NXPH1: variants seen among roughly 807,000 people sequenced by gnomAD.
NXPH1 encodes the protein neurexophilin 1.
NXPH1 carries 5 observed loss-of-function variants against 23.7 expected under a neutral mutation model. The ratio of observed to expected loss-of-function variants is 0.21; its 90% CI spans 0.11 to 0.44. The LOEUF (loss-of-function observed/expected upper bound fraction) is 0.44, where lower values mean the gene tolerates loss of function less well. Ranked by LOEUF, NXPH1 falls within the 20% of genes least tolerant of loss-of-function variation. The pLI is 0.99. For synonymous variants in NXPH1, 144 were observed against 122.2 expected, an observed-to-expected ratio of 1.18 and a Z score of -1.18; for missense variants, 324 against 321.6, an observed-to-expected ratio of 1.01 and a Z score of -0.06.
intron 2 of NXPH1, among the ~76,000 whole-genome samples, chr7:8,689,154 T>C (rs1203428619): frequency 6.6e-6 from 1 of 152,182 alleles, no homozygotes; most frequent in Non-Finnish European, 1.5e-5. Context: ...TAACTTCATA[T>C]AGGAGGATAA....
At chr7:8,704,347 T>G (rs1174814981) in intron 2 of NXPH1, among the ~76,000 whole-genome samples, 1 of 152,102 alleles carries the variant, frequency 6.6e-6, no homozygotes, top group Non-Finnish European at 1.5e-5. Flanking sequence ...ATTCCATGTG[T>G]CTTGCACAAT....
intron 2 of NXPH1, among the ~76,000 whole-genome samples, chr7:8,736,553 G>A (rs1265155821): frequency 1.3e-5 from 2 of 152,172 alleles, no homozygotes; most frequent in African/African-American, 4.8e-5. Flanking sequence ...TTTCAATTAT[G>A]TAGTCAATTT....
At chr7:8,583,561 G>C (rs73235773) in intron 2 of NXPH1, among the ~76,000 whole-genome samples, 3,179 of 152,296 alleles carry the variant, frequency 0.021, 114 homozygotes, top group East Asian at 0.15. Context: ...CAGTGGGAGA[G>C]ACTGAGTTGC....
At chr7:8,521,486 C>T (rs1817770460) in intron 2 of NXPH1, among the ~76,000 whole-genome samples, 1 of 152,114 alleles carries the variant, frequency 6.6e-6, no homozygotes, top group Non-Finnish European at 1.5e-5. Context: ...AGAAAGCTAC[C>T]TCCAAGCTTG....
At chr7:8,551,931 G>A (rs564996946) in intron 2 of NXPH1, among the ~76,000 whole-genome samples, 1 of 151,412 alleles carries the variant, frequency 6.6e-6, no homozygotes, top group East Asian at 2.0e-4. Flanking sequence ...CTTTAAAGAT[G>A]TGCATATTTT....
At chr7:8,509,417 T>C (rs552126108) in intron 2 of NXPH1, among the ~76,000 whole-genome samples, 4 of 152,254 alleles carry the variant, frequency 2.6e-5, no homozygotes, top group African/African-American at 9.6e-5. Flanking sequence ...TGCCCTGTCA[T>C]AGAGAGTAAC....
intron 2 of NXPH1, among the ~76,000 whole-genome samples, chr7:8,668,633 A>T (rs1583222543): frequency 1.3e-5 from 2 of 150,062 alleles, no homozygotes; most frequent in African/African-American, 4.9e-5. Context: ...TACTGGTGGG[A>T]TAGGCTTTGA....
intron 2 of NXPH1, among the ~76,000 whole-genome samples, chr7:8,453,685 G>C (rs143849243): frequency 1.6e-4 from 25 of 152,154 alleles, no homozygotes; most frequent in African/African-American, 6.0e-4. Flanking sequence ...GTGGTTTTAA[G>C]ATATTTGTTG....
At chr7:8,450,310 G>T (rs1038712889) in intron 2 of NXPH1, among the ~76,000 whole-genome samples, 1 of 147,986 alleles carries the variant, frequency 6.8e-6, no homozygotes, top group African/African-American at 2.5e-5. Flanking sequence ...TTTAAAAGGG[G>T]ATGCAAATCT....
At chr7:8,654,218 C>T (rs1820536603) in intron 2 of NXPH1, among the ~76,000 whole-genome samples, 1 of 151,752 alleles carries the variant, frequency 6.6e-6, no homozygotes, top group Non-Finnish European at 1.5e-5. Flanking sequence ...TAAAATCAAA[C>T]TCTGTTAGAT....
chr7:8,445,609 A>T (rs10251469), intron 2 of NXPH1, among the ~76,000 whole-genome samples: 9,473 of 152,316 alleles, frequency 0.062, 603 homozygotes, highest in African/African-American at 0.15. Flanking sequence ...TTGGCACAAA[A>T]ATTACGACAA....
At chr7:8,444,182 G>A (rs1009958930) in intron 2 of NXPH1, among the ~76,000 whole-genome samples, 1 of 152,212 alleles carries the variant, frequency 6.6e-6, no homozygotes, top group Non-Finnish European at 1.5e-5. Flanking sequence ...ACCCGATTCT[G>A]CAAATTCTCG....
chr7:8,670,142 C>T (rs1174492946), intron 2 of NXPH1, among the ~76,000 whole-genome samples: 2 of 152,202 alleles, frequency 1.3e-5, no homozygotes, highest in East Asian at 1.9e-4. Context: ...GGAATGGCTG[C>T]TGCATCTTTT....
At chr7:8,709,989 A>G (rs1248443862) in intron 2 of NXPH1, among the ~76,000 whole-genome samples, 2 of 152,176 alleles carry the variant, frequency 1.3e-5, no homozygotes, top group Admixed American at 1.3e-4. Flanking sequence ...ATGCTAAGAG[A>G]GGGGTAATCA....
intron 2 of NXPH1, among the ~76,000 whole-genome samples, chr7:8,711,400 GC>G (rs1209105166): frequency 3.3e-5 from 5 of 152,174 alleles, no homozygotes; most frequent in African/African-American, 9.6e-5. Flanking sequence ...CTTTCTAGAG[GC>G]CTAACACTGA....
At chr7:8,577,833 C>G (rs1031833515) in intron 2 of NXPH1, among the ~76,000 whole-genome samples, 1 of 152,162 alleles carries the variant, frequency 6.6e-6, no homozygotes, top group South Asian at 2.1e-4. Flanking sequence ...GAATCACTTG[C>G]TCCTTGAATC....
At chr7:8,497,512 T>C (rs1489830132) in intron 2 of NXPH1, among the ~76,000 whole-genome samples, 5 of 152,036 alleles carry the variant, frequency 3.3e-5, no homozygotes, top group East Asian at 1.9e-4. Flanking sequence ...TCCACATCCT[T>C]TCCAGCACCT....
At chr7:8,696,566 C>T (rs1389990063) in intron 2 of NXPH1, among the ~76,000 whole-genome samples, 1 of 152,062 alleles carries the variant, frequency 6.6e-6, no homozygotes, top group African/African-American at 2.4e-5. Flanking sequence ...GAATGATAGG[C>T]AAAAGTCAGT....
At chr7:8,635,933 TGAGA>T (rs1457479919) in intron 2 of NXPH1, among the ~76,000 whole-genome samples, 3 of 152,138 alleles carry the variant, frequency 2.0e-5, no homozygotes, top group Non-Finnish European at 2.9e-5. Context: ...TGCTGTTCTT[TGAGA>T]GAGAGAAAGA....
Sources: allele counts gnomAD v4.1 joint callset (sites outside exome capture counted in the v4.1 genomes callset), GRCh38; gene constraint gnomAD v4.1.1; transcripts MANE v1.5; gene names NCBI Gene and HGNC (gene_info 2026-07-23, HGNC 2026-07-21).